PCDH15: variants seen among roughly 807,000 people sequenced by gnomAD.
PCDH15 encodes the protein protocadherin-15.
In PCDH15, 129 loss-of-function variants were observed where a neutral mutation model predicts 178.5. The ratio of observed to expected loss-of-function variants is 0.72; its 90% CI spans 0.63 to 0.84. The LOEUF is 0.84. Among genes scored for constraint, PCDH15 ranks in the 40% least tolerant of loss-of-function variants. The pLI is 0.00. For synonymous variants in PCDH15, 800 were observed against 732.0 expected (o/e 1.09, Z -1.50); for missense variants, 2,230 against 2,099.9 (o/e 1.06, Z -1.21).
At chr10:54,740,296 T>C (rs1257547669) in intron 1 of PCDH15, among the ~76,000 whole-genome samples, 1 of 151,938 alleles carries the variant, frequency 6.6e-6, no homozygotes, top group African/African-American at 2.4e-5. Context: ...TCACTAGCCA[T>C]GGGGAACGTA....
At chr10:54,040,437 G>A (rs2093517781) in intron 18 of PCDH15, among the ~76,000 whole-genome samples, 1 of 151,922 alleles carries the variant, frequency 6.6e-6, no homozygotes, top group Non-Finnish European at 1.5e-5. Context: ...TGCCATGATT[G>A]TGAGGCCTCC....
intron 2 of PCDH15, chr10:54,585,414 A>C (rs941757720): frequency 1.3e-5 from 2 of 154,668 alleles, no homozygotes; most frequent in African/African-American, 2.4e-5. Context: ...ATTAAACTAC[A>C]CTTCATTAAT....
At chr10:55,083,953 C>T (rs1842102823) in intron 2 of PCDH15, among the ~76,000 whole-genome samples, 1 of 151,656 alleles carries the variant, frequency 6.6e-6, no homozygotes, top group Non-Finnish European at 1.5e-5. Flanking sequence ...AGAGATATTC[C>T]ACATTCATGG....
At chr10:53,830,454 T>A (rs1425420582) in intron 30 of PCDH15, among the ~76,000 whole-genome samples, 2 of 152,226 alleles carry the variant, frequency 1.3e-5, no homozygotes, top group African/African-American at 4.8e-5. Flanking sequence ...GTCTGCTATT[T>A]ATTTTCTTTT....
At chr10:54,504,747 T>C (rs2081023678) in intron 3 of PCDH15, among the ~76,000 whole-genome samples, 1 of 152,060 alleles carries the variant, frequency 6.6e-6, no homozygotes, top group East Asian at 1.9e-4. Flanking sequence ...GAACACAGGG[T>C]TCTCCTAACA....
intron 25 of PCDH15, among the ~76,000 whole-genome samples, chr10:53,936,077 A>G (rs1313130756): frequency 6.6e-6 from 1 of 152,170 alleles, no homozygotes; most frequent in Non-Finnish European, 1.5e-5. Context: ...AGCAGAAAGA[A>G]TATGAAATGA....
intron 16 of PCDH15, among the ~76,000 whole-genome samples, chr10:54,083,486 G>A (rs767343192): frequency 4.6e-5 from 7 of 152,116 alleles, no homozygotes; most frequent in African/African-American, 1.4e-4. Flanking sequence ...CAAGACAGAC[G>A]AATCTTGGAA....
At chr10:54,397,243 G>A (rs1951350201) in intron 3 of PCDH15, among the ~76,000 whole-genome samples, 1 of 152,004 alleles carries the variant, frequency 6.6e-6, no homozygotes, top group African/African-American at 2.4e-5. Context: ...ACCCAGGGAT[G>A]TCTTAAAAAA....
chr10:55,467,409 C>G (rs1306456456), intron 2 of PCDH15, among the ~76,000 whole-genome samples: 1 of 148,704 alleles, frequency 6.7e-6, no homozygotes, highest in South Asian at 2.1e-4. Context: ...GGGCATTGCC[C>G]TGGTTGGAGA....
chr10:55,288,505 C>G (rs980607388), intron 1 of PCDH15, among the ~76,000 whole-genome samples: 1 of 151,734 alleles, frequency 6.6e-6, no homozygotes, highest in African/African-American at 2.4e-5. Flanking sequence ...TAACAGAAAC[C>G]CTGTATCTTT....
chr10:54,854,787 A>G (rs1403354222), intron 3 of PCDH15, among the ~76,000 whole-genome samples: 1 of 152,122 alleles, frequency 6.6e-6, no homozygotes, highest in Non-Finnish European at 1.5e-5. Flanking sequence ...GGCAGGCCAG[A>G]GAAGGCACAA....
At chr10:55,547,161 C>A in intron 2 of PCDH15, among the ~76,000 whole-genome samples, 1 of 152,104 alleles carries the variant, frequency 6.6e-6, no homozygotes, top group African/African-American at 2.4e-5. Context: ...ATGGGTGCTG[C>A]AGCAGATCCC....
At chr10:54,046,497 T>C (rs1378287180) in intron 18 of PCDH15, among the ~76,000 whole-genome samples, 1 of 152,148 alleles carries the variant, frequency 6.6e-6, no homozygotes, top group East Asian at 1.9e-4. Flanking sequence ...AAGTTAAATA[T>C]GAATGAAAGA....
chr10:54,794,970 T>C (rs1951812414), intron 1 of PCDH15, among the ~76,000 whole-genome samples: 1 of 151,886 alleles, frequency 6.6e-6, no homozygotes, highest in South Asian at 2.1e-4. Flanking sequence ...TTGAGTACTT[T>C]ACTTTCTGGC....
intron 8 of PCDH15, among the ~76,000 whole-genome samples, chr10:54,305,050 T>C (rs1564916271): frequency 1.3e-5 from 2 of 152,110 alleles, no homozygotes; most frequent in Admixed American, 1.3e-4. Context: ...AAAGTGAAGC[T>C]GCAAAACTGC....
At chr10:54,091,189 T>C (rs971561401) in intron 15 of PCDH15, among the ~76,000 whole-genome samples, 1 of 152,152 alleles carries the variant, frequency 6.6e-6, no homozygotes, top group Non-Finnish European at 1.5e-5. Flanking sequence ...AGAAAGAAAT[T>C]TGGATGCTAT....
intron 3 of PCDH15, among the ~76,000 whole-genome samples, chr10:54,454,219 A>T (rs1775150762): frequency 6.7e-6 from 1 of 149,386 alleles, no homozygotes; most frequent in South Asian, 2.1e-4. Flanking sequence ...TTTTTTCTAT[A>T]GGCTCTCAAT....
At chr10:54,774,122 G>A (rs898761799) in intron 1 of PCDH15, among the ~76,000 whole-genome samples, 1 of 140,874 alleles carries the variant, frequency 7.1e-6, no homozygotes, top group Non-Finnish European at 1.5e-5. Flanking sequence ...TCCGCCTCCT[G>A]GGTTCACACC....
intron 25 of PCDH15, among the ~76,000 whole-genome samples, chr10:53,929,145 G>A (rs2084824818): frequency 6.6e-6 from 1 of 151,942 alleles, no homozygotes; most frequent in African/African-American, 2.4e-5. Flanking sequence ...ACCAATTTGG[G>A]ATCAATGGAA....
Sources: gnomAD v4.1 joint callset for allele counts (sites outside exome capture counted in the v4.1 genomes callset) on GRCh38, gnomAD v4.1.1 for gene constraint, MANE v1.5 for transcripts, NCBI Gene and HGNC (gene_info 2026-07-23, HGNC 2026-07-21) for gene names.